Variants in EIPR1 observed in about 807,000 individuals in gnomAD.
The protein encoded by EIPR1 is EARP and GARP complex-interacting protein 1.
Under a neutral mutation model 48.1 loss-of-function variants are expected in EIPR1, and 25 were observed. The ratio of observed to expected loss-of-function variants is 0.52; its 90% CI spans 0.38 to 0.73. The LOEUF (loss-of-function observed/expected upper bound fraction) is 0.73, where lower values mean the gene tolerates loss of function less well. Among genes scored for constraint, EIPR1 ranks in the 30% least tolerant of loss-of-function variants. EIPR1 has a pLI of 0.00. For missense variants in EIPR1, 415 were observed against 506.2 expected, an observed-to-expected ratio of 0.82 and a Z score of 1.73; for synonymous variants, 204 against 201.9, an observed-to-expected ratio of 1.01 and a Z score of -0.09.
At position 3,208,391 on chromosome 2, in the gene EIPR1, A is replaced by G. The variant is rs2103125361; in HGVS notation, c.516+5758T>C. On this transcript the variant is annotated intron_variant, in intron 5 of 8. Transcript: ENST00000382125. ...ATTTATAGGGCATCAGACCTGACCC[A>G]CAGCCCCAGATCTGGCACTCAGACC... is the stretch of plus-strand genomic sequence containing the variant. The G allele has an allele frequency of 2.1e-6, 3 of 1,404,058 alleles. No homozygotes were observed. The South Asian group carries it at 4.4e-5, about 21-fold the overall frequency. 87.0% of individuals were successfully genotyped at this position (1,404,058 alleles called of 1,614,324 possible).
chr2:3,367,029 A>T (rs1313209050), intron 1 of EIPR1, among the ~76,000 whole-genome samples: 1 of 152,116 alleles, frequency 6.6e-6, no homozygotes, highest in Non-Finnish European at 1.5e-5. Context: ...TGGGCCACAC[A>T]GCGAGACTCT....
At chr2:3,208,885 AG>A in intron 5 of EIPR1, 1 of 1,549,610 alleles carries the variant, frequency 6.5e-7, no homozygotes, top group African/African-American at 1.4e-5. Context: ...CTTCCCCACA[AG>A]GCCTCCAGCC....
chr2:3,318,027 C>T (rs1258016207), intron 3 of EIPR1, among the ~76,000 whole-genome samples: 30 of 152,234 alleles, frequency 2.0e-4, no homozygotes, highest in Admixed American at 1.8e-3. Flanking sequence ...GCACTTCGGA[C>T]GGGGCATCAT....
chr2:3,219,219 G>GTA (rs1665771982), intron 4 of EIPR1, among the ~76,000 whole-genome samples: 1 of 122,460 alleles, frequency 8.2e-6, no homozygotes, highest in African/African-American at 3.2e-5. Flanking sequence ...TGCACACCCA[G>GTA]CATGGCCCTG....
At chr2:3,334,092 A>C (rs1279653733) in intron 3 of EIPR1, among the ~76,000 whole-genome samples, 1 of 152,230 alleles carries the variant, frequency 6.6e-6, no homozygotes, top group East Asian at 1.9e-4. Flanking sequence ...GTGGGTCTCC[A>C]AGTACAGCAG....
At chr2:3,375,403 GA>G (rs74786722) in intron 1 of EIPR1, among the ~76,000 whole-genome samples, 15 of 151,054 alleles carry the variant, frequency 9.9e-5, no homozygotes, top group South Asian at 2.1e-4. Flanking sequence ...AAAAAAGAGA[GA>G]AAAAAAAGAA....
At chr2:3,224,692 T>A (rs1202282989) in intron 4 of EIPR1, among the ~76,000 whole-genome samples, 8 of 152,116 alleles carry the variant, frequency 5.3e-5, no homozygotes, top group African/African-American at 1.9e-4. Flanking sequence ...TCCTTCAACA[T>A]CCCAGCATGG....
At chr2:3,335,333 T>C (rs191844370) in intron 3 of EIPR1, among the ~76,000 whole-genome samples, 1 of 152,110 alleles carries the variant, frequency 6.6e-6, no homozygotes, top group East Asian at 1.9e-4. Flanking sequence ...TGGCAGTGGG[T>C]AGAGGCTGGG....
chr2:3,316,816 C>T (rs1455840216), intron 3 of EIPR1, among the ~76,000 whole-genome samples: 1 of 152,258 alleles, frequency 6.6e-6, no homozygotes, highest in Non-Finnish European at 1.5e-5. Context: ...TCCACACCTT[C>T]CCCAGCCACG....
intron 4 of EIPR1, among the ~76,000 whole-genome samples, chr2:3,237,115 A>C (rs1056206267): frequency 2.6e-5 from 4 of 152,108 alleles, no homozygotes; most frequent in African/African-American, 9.7e-5. Flanking sequence ...ACACAGGTCC[A>C]CCTGGGAGAT....
chr2:3,245,323 C>G (rs1666763562), intron 4 of EIPR1, among the ~76,000 whole-genome samples: 2 of 152,170 alleles, frequency 1.3e-5, no homozygotes, highest in African/African-American at 4.8e-5. Flanking sequence ...AGTGATTCTC[C>G]TGCCTCAGCC....
chr2:3,374,231 A>C (rs1659796037), intron 1 of EIPR1, among the ~76,000 whole-genome samples: 1 of 152,116 alleles, frequency 6.6e-6, no homozygotes, highest in African/African-American at 2.4e-5. Flanking sequence ...AATTAATTCA[A>C]GATGGAATAA....
intron 5 of EIPR1, 73 bp from the exon 6 acceptor site, chr2:3,197,090 G>A (rs1664838929): frequency 6.5e-7 from 1 of 1,537,688 alleles, no homozygotes; most frequent in African/African-American, 1.4e-5. Flanking sequence ...GAAAACGCGA[G>A]AGGATATCGT....
chr2:3,192,692 G>C, intron 7 of EIPR1, 111 bp from the exon 8 acceptor site: 1 of 1,113,518 alleles, frequency 9.0e-7, no homozygotes, highest in Non-Finnish European at 1.3e-6. Flanking sequence ...GTTAGGCACT[G>C]CCAGGCAATC....
rs1198267767 is a variant in EIPR1 at position 3,352,813 on chromosome 2, G to A, written c.126+1737C>T. Reference sequence around the variant, plus strand: ...GGAGTTTGAGACCAGCCTGGCCAACGTGGTGAAACCCCGTCTCTACTAAAA... The same window carrying A: ...GGAGTTTGAGACCAGCCTGGCCAACATGGTGAAACCCCGTCTCTACTAAAA... On this transcript the variant is annotated intron_variant, in intron 2 of 8. Transcript: ENST00000382125. Among the ~76,000 whole-genome samples, 12 of 152,128 alleles carry A rather than the reference G, an allele frequency of 7.9e-5. No homozygotes were observed. The East Asian group carries it at 1.4e-3, about 17-fold the overall frequency.
At position 3,285,600 on chromosome 2, in the gene EIPR1, G is replaced by A. The variant is rs1166153743; in HGVS notation, c.260-28145C>T. On this transcript the variant is annotated intron_variant, in intron 3 of 8. Coordinates refer to ENST00000382125, the MANE Select transcript of EIPR1 (RefSeq NM_003310.5). The stretch of plus-strand genomic sequence containing the variant: ...GAGGCAAAGCTCAGGAGGCACTGGT[G>A]GAGCCTCAGCTTCTGATGCTGCGCA... 5.3e-5 allele frequency among the ~76,000 whole-genome samples: 8 copies of A among 152,360 alleles called. 1 individual carries two copies. In the East Asian group the frequency reaches 1.4e-3, roughly 26 times the overall value.
intron 5 of EIPR1, among the ~76,000 whole-genome samples, chr2:3,210,617 C>T (rs1382661695): frequency 7.0e-6 from 1 of 143,132 alleles, no homozygotes; most frequent in Admixed American, 7.8e-5. Flanking sequence ...TCACTGTTTA[C>T]CTCCCAATTC....
chr2:3,208,754 A>T lies in EIPR1; in HGVS notation c.516+5395T>A, dbSNP rs893778584. ...CTCGTGGCGGGTCCTTCTGTGAGTG[A>T]GGCCCGTGGCGAGTCCTTCTTCCTT... On this transcript the variant is annotated intron_variant, in intron 5 of 8. Coordinates refer to ENST00000382125, the MANE Select transcript of EIPR1 (RefSeq NM_003310.5). The T allele has an allele frequency of 6.5e-6, 10 of 1,547,846 alleles. No individual in the cohort carries two copies. The Admixed American group carries it at 1.6e-4, about 24-fold the overall frequency.
chr2:3,194,298 C>T (rs951260447), intron 6 of EIPR1, 132 bp from the exon 7 acceptor site: 11 of 1,110,272 alleles, frequency 9.9e-6, no homozygotes, highest in African/African-American at 1.6e-5. Flanking sequence ...ATCCCCTCGG[C>T]GTTCCTGCCC....
Sources: gnomAD v4.1 joint callset for allele counts (sites outside exome capture counted in the v4.1 genomes callset) on GRCh38, gnomAD v4.1.1 for gene constraint, MANE v1.5 for transcripts, NCBI Gene and HGNC (gene_info 2026-07-23, HGNC 2026-07-21) for gene names.